Variants in WDR64 observed in about 807,000 individuals in gnomAD.
WDR64 encodes WD repeat domain 64, also known as WD repeat-containing protein 64.
WDR64 carries 112 observed loss-of-function variants against 139.3 expected under a neutral mutation model. The ratio of observed to expected loss-of-function variants is 0.80; its 90% CI spans 0.69 to 0.94. The LOEUF (loss-of-function observed/expected upper bound fraction) is 0.94, where lower values mean the gene tolerates loss of function less well. Ranked by LOEUF, WDR64 falls within the 40% of genes least tolerant of loss-of-function variation. WDR64 has a pLI of 0.00. For synonymous variants in WDR64, 444 were observed against 437.7 expected (o/e 1.01, Z -0.18); for missense variants, 1,206 against 1,293.1 (o/e 0.93, Z 1.03).
chr1:241,726,820 T>C (rs1294607377), intron 10 of WDR64, among the ~76,000 whole-genome samples: 1 of 152,122 alleles, frequency 6.6e-6, no homozygotes, highest in Non-Finnish European at 1.5e-5. Context: ...TATACATGGA[T>C]GGATTTTTTT....
At chr1:241,705,557 A>AT (rs1667913214) in intron 8 of WDR64, among the ~76,000 whole-genome samples, 4 of 70,006 alleles carry the variant, frequency 5.7e-5, no homozygotes, top group South Asian at 4.0e-4. Context: ...AAATAAATAA[A>AT]TAAATAATAA....
At chr1:241,757,545 C>A in intron 15 of WDR64, 86 bp downstream of exon 15, 1 of 1,261,876 alleles carries the variant, frequency 7.9e-7, no homozygotes, top group Non-Finnish European at 1.1e-6. Flanking sequence ...GAAAATAATA[C>A]AAAGAGCTTC....
At position 241,757,343 on chromosome 1, in the gene WDR64, C is replaced by T. The variant is rs758862932; in HGVS notation, c.1831C>T (p.Leu611=). 46 of 1,613,836 alleles carry T rather than the reference C, an allele frequency of 2.9e-5. No individual in the cohort carries two copies. The South Asian group carries it at 4.8e-4, about 17-fold the overall frequency. The change falls in exon 15 of 28, where the codon CTA becomes TTA. Residue 611 remains leucine, a synonymous_variant. Transcript: ENST00000437684. ...GGAGCTGCCTGATGTTGTGCCTTTC[C>T]TACAAGATGGGAAACATGCTGTGCA... is the stretch of plus-strand genomic sequence containing the variant. ...IWELPDVVPF[L]QDGKHAVHLR...
chr1:241,674,002 C>T (rs1000420695), intron 3 of WDR64, among the ~76,000 whole-genome samples: 15 of 152,072 alleles, frequency 9.9e-5, no homozygotes, highest in Admixed American at 3.3e-4. Context: ...TGACTCCAAA[C>T]GATGTTTAGA....
chr1:241,706,861 T>C (rs934543725), intron 8 of WDR64, among the ~76,000 whole-genome samples: 2 of 152,196 alleles, frequency 1.3e-5, no homozygotes, highest in African/African-American at 4.8e-5. Context: ...TTAATTGTAG[T>C]GTCTATTTCA....
intron 13 of WDR64, among the ~76,000 whole-genome samples, chr1:241,748,919 C>T (rs1255177753): frequency 2.8e-5 from 4 of 144,894 alleles, no homozygotes; most frequent in Non-Finnish European, 6.0e-5. Context: ...GCCTGGGTGA[C>T]AGAGTGAGAC....
chr1:241,700,631 A>G (rs890693742), intron 8 of WDR64, among the ~76,000 whole-genome samples: 1 of 152,202 alleles, frequency 6.6e-6, no homozygotes, highest in Non-Finnish European at 1.5e-5. Flanking sequence ...AGGGAGCAAA[A>G]GAATTCTAAT....
intron 14 of WDR64, among the ~76,000 whole-genome samples, chr1:241,751,372 T>C (rs1288797126): frequency 6.6e-6 from 1 of 152,128 alleles, no homozygotes; most frequent in Non-Finnish European, 1.5e-5. Context: ...GGTGGGCAGG[T>C]GGAAGTTGGA....
chr1:241,714,291 T>A (rs1668315841), intron 9 of WDR64, among the ~76,000 whole-genome samples: 1 of 152,076 alleles, frequency 6.6e-6, no homozygotes. Context: ...ACAATAAATA[T>A]TTTTTTAAAA....
chr1:241,801,044 AT>A, intron 27 of WDR64, 87 bp from the exon 28 acceptor site: 3 of 979,652 alleles, frequency 3.1e-6, no homozygotes, highest in Non-Finnish European at 4.7e-6. Flanking sequence ...TAAAATCTCT[AT>A]GTAAATTAGC....
At chr1:241,790,549 A>G in intron 24 of WDR64, 42 bp from the exon 25 acceptor site, 1 of 1,502,846 alleles carries the variant, frequency 6.7e-7, no homozygotes. Context: ...GCAGAGAATA[A>G]AAGGTATGGG....
chr1:241,675,697 C>G (rs1201191530), intron 4 of WDR64, among the ~76,000 whole-genome samples: 10 of 152,186 alleles, frequency 6.6e-5, no homozygotes, highest in Non-Finnish European at 1.5e-5. Context: ...GCTTAGTGAG[C>G]CACTTACATA....
chr1:241,674,456 T>C (rs979150220), intron 3 of WDR64, among the ~76,000 whole-genome samples, 188 bp from the exon 4 acceptor site: 6 of 151,980 alleles, frequency 3.9e-5, no homozygotes, highest in African/African-American at 1.2e-4. Context: ...GACTTTGTCA[T>C]GCTGCCCAGG....
At chr1:241,721,010 T>G (rs1042978699) in intron 9 of WDR64, among the ~76,000 whole-genome samples, 3 of 152,226 alleles carry the variant, frequency 2.0e-5, no homozygotes, top group South Asian at 2.1e-4. Flanking sequence ...GTTTTCTGCA[T>G]GTGGCTAGCC....
chr1:241,718,681 CA>C (rs1410220072), intron 9 of WDR64, among the ~76,000 whole-genome samples: 2 of 152,138 alleles, frequency 1.3e-5, no homozygotes, highest in Non-Finnish European at 1.5e-5. Context: ...GCTGCCTTAA[CA>C]AAATACCATA....
At position 241,719,249 on chromosome 1, in the gene WDR64, CCAA is replaced by C. The variant is rs556301321; in HGVS notation, c.1055-4044_1055-4042del. ...AACCTCTGAGCTGTGATTCATCATC[CCAA>C]CAATGAAGTTATTGAAGTGGTTCAA... On this transcript the variant is annotated intron_variant, in intron 9 of 27. Transcript: ENST00000437684. Among the ~76,000 whole-genome samples, 745 of 152,172 alleles carry C rather than the reference CCAA, an allele frequency of 4.9e-3. 7 individuals carry two copies. Among genetic ancestry groups the C allele is most frequent in the Non-Finnish European group, 8.1e-3 (551 of 68,004 alleles).
rs1186214675 is a variant in WDR64 at position 241,783,358 on chromosome 1, T to C, written c.2682T>C (p.Thr894=). Residue 894 remains threonine, a synonymous_variant, in exon 23 of 28, where the codon ACT becomes ACC. Transcript: ENST00000437684. ...IYVEEKQVVL[T]ASIDGSVRLW... is the part of the protein sequence containing the mutation. Reference sequence around the variant, plus strand: ...TAGAAGAAAAACAAGTGGTACTTACTGCCTCCATCGATGGCTCAGTAAGGT... The same window carrying C: ...TAGAAGAAAAACAAGTGGTACTTACCGCCTCCATCGATGGCTCAGTAAGGT... The C allele has an allele frequency of 1.2e-6, 2 of 1,613,934 alleles. No homozygotes were observed. The highest frequency in any genetic ancestry group is 8.5e-7 in the Non-Finnish European group (1 of 1,179,958).
chr1:241,664,714 G>C (rs1481830851), intron 2 of WDR64, among the ~76,000 whole-genome samples: 1 of 151,336 alleles, frequency 6.6e-6, no homozygotes, highest in Non-Finnish European at 1.5e-5. Context: ...ATTCAAGCAC[G>C]TTCTTTTCAG....
At chr1:241,723,600 C>A (rs1342366388) in intron 10 of WDR64, among the ~76,000 whole-genome samples, 164 bp downstream of exon 10, 1 of 152,096 alleles carries the variant, frequency 6.6e-6, no homozygotes, top group East Asian at 1.9e-4. Flanking sequence ...AATGTTCTCT[C>A]TTTCTATTGA....
Sources: allele counts gnomAD v4.1 joint callset (sites outside exome capture counted in the v4.1 genomes callset), GRCh38; gene constraint gnomAD v4.1.1; transcripts MANE v1.5; gene names NCBI Gene and HGNC (gene_info 2026-07-23, HGNC 2026-07-21).